SLC37A1: variants seen among roughly 807,000 people sequenced by gnomAD.
SLC37A1 encodes the protein solute carrier family 37 member 1.
A neutral mutation model predicts 75.3 loss-of-function variants in SLC37A1; 49 were observed. That is an observed-to-expected ratio of 0.65 (90% CI 0.52 to 0.83). The LOEUF (loss-of-function observed/expected upper bound fraction) is 0.83, where lower values mean the gene tolerates loss of function less well. SLC37A1 is among the 40% of genes least tolerant of loss of function. SLC37A1 has a pLI of 0.00. For synonymous variants in SLC37A1, 268 were observed against 292.1 expected (o/e 0.92, Z 0.84); for missense variants, 566 against 695.0 (o/e 0.81, Z 2.09).
chr21:42,532,807 C>T (rs1426490532), intron 3 of SLC37A1, among the ~76,000 whole-genome samples: 4 of 152,164 alleles, frequency 2.6e-5, no homozygotes, highest in Admixed American at 6.5e-5. Context: ...GTCAGCATGG[C>T]GCCTCCAGGG....
intron 11 of SLC37A1, among the ~76,000 whole-genome samples, chr21:42,560,033 G>A (rs952451478): frequency 4.6e-5 from 7 of 152,164 alleles, no homozygotes; most frequent in Admixed American, 6.5e-5. Context: ...AAGCTGGACC[G>A]GGCTGGTCCT....
chr21:42,543,455 G>A lies in SLC37A1; in HGVS notation c.583G>A (p.Val195Ile). Residue 195 changes from valine (V) to isoleucine (I), a missense_variant, in exon 8 of 20, where the codon GTC (valine) becomes ATC (isoleucine). Coordinates refer to ENST00000352133, the MANE Select transcript of SLC37A1 (RefSeq NM_001320537.2). ...GKGRRGLIMG[V>I]WNSHTSVGNI... ...CTGCAGGAGAGGTTTGATTATGGGG[G>A]TCTGGAACTCCCACACCTCCGTGGG... The A allele has an allele frequency of 6.2e-7, 1 of 1,614,122 alleles. No individual in the cohort carries two copies. Among genetic ancestry groups the A allele is most frequent in the Non-Finnish European group, 8.5e-7 (1 of 1,180,006 alleles).
intron 2 of SLC37A1, 98 bp downstream of exon 2, chr21:42,518,608 T>A: frequency 1.5e-6 from 2 of 1,372,924 alleles, no homozygotes; most frequent in East Asian, 2.4e-5. Flanking sequence ...ATAAAACACA[T>A]AAAACTTGAA....
intron 2 of SLC37A1, among the ~76,000 whole-genome samples, chr21:42,518,981 A>G (rs1179095318): frequency 1.3e-5 from 2 of 152,218 alleles, no homozygotes; most frequent in African/African-American, 4.8e-5. Context: ...ATATTCTGAG[A>G]ATCCTTCTCT....
rs981592915 is a variant in SLC37A1, at chr21:42,552,988, T to C, written c.769-1074T>C. Among the ~76,000 whole-genome samples, 3 of 152,240 alleles carry C rather than the reference T, an allele frequency of 2.0e-5. No homozygotes were observed. Among genetic ancestry groups the C allele is most frequent in the African/African-American group, 7.2e-5 (3 of 41,458 alleles). ...AAACAAATGTATTTTTAAAGGTGTT[T>C]TGTTACATTTTCAAGTAATAAGATC... is the stretch of plus-strand genomic sequence containing the variant. On this transcript the variant is annotated intron_variant, in intron 9 of 19. Transcript: ENST00000352133. This position sits in a 1 kb window ranked among gnomAD's most constrained non-coding sequence, Gnocchi z 4.2.
intron 2 of SLC37A1, 45 bp from the exon 3 acceptor site, chr21:42,525,731 C>T: frequency 7.2e-7 from 1 of 1,387,058 alleles, no homozygotes; most frequent in Non-Finnish European, 1.0e-6. Context: ...CCTAACATAA[C>T]TTCTGTTATT....
At chr21:42,516,191 A>C (rs2054518646) in intron 1 of SLC37A1, among the ~76,000 whole-genome samples, 1 of 152,250 alleles carries the variant, frequency 6.6e-6, no homozygotes, top group Non-Finnish European at 1.5e-5. Flanking sequence ...GTACTTGGGC[A>C]GTGTGCCAAA....
At chr21:42,528,985 C>T (rs978719439) in intron 3 of SLC37A1, among the ~76,000 whole-genome samples, 1 of 151,956 alleles carries the variant, frequency 6.6e-6, no homozygotes, top group African/African-American at 2.4e-5. Flanking sequence ...AAAATCTTAG[C>T]AGGGTTTTTT....
At chr21:42,524,826 C>T (rs562094293) in intron 2 of SLC37A1, among the ~76,000 whole-genome samples, 5 of 152,330 alleles carry the variant, frequency 3.3e-5, no homozygotes, top group East Asian at 1.9e-4. Context: ...GCTCCTACAA[C>T]CTTTAGTGCT....
At chr21:42,512,717 C>T (rs2054449496), upstream of SLC37A1, among the ~76,000 whole-genome samples, 1 of 152,180 alleles carries the variant, frequency 6.6e-6, no homozygotes, top group African/African-American at 2.4e-5. Flanking sequence ...CTGAACCCTG[C>T]GTGGCAAAGA....
chr21:42,568,393 G>A lies in SLC37A1; in HGVS notation c.1378G>A (p.Ala460Thr), dbSNP rs562283376. Residue 460 changes from alanine (A) to threonine (T), a missense_variant, in exon 17 of 20, where the codon GCC (alanine) becomes ACC (threonine). By Grantham distance (58) the Ala-to-Thr change is moderately conservative (BLOSUM62 0). Transcript: ENST00000352133. ...TAAAAGTCTGAAAGGCAACGCGCAC[G>A]CCCTCTCCACCGTGACGGCCATCAT... ...THKSLKGNAHALSTVTAIIDG... is the reference protein window; with the variant it reads ...THKSLKGNAHTLSTVTAIIDG... The A allele has an allele frequency of 1.3e-5, 21 of 1,614,088 alleles. No individual in the cohort carries two copies. Among genetic ancestry groups the A allele is most frequent in the East Asian group, 2.2e-5 (1 of 44,886 alleles).
chr21:42,560,991 C>T (rs1016194318), intron 11 of SLC37A1, among the ~76,000 whole-genome samples: 12 of 152,190 alleles, frequency 7.9e-5, no homozygotes, highest in African/African-American at 1.9e-4. Context: ...ATCTGTCACA[C>T]GGGTTCCATC....
chr21:42,542,847 G>A (rs749377329), intron 7 of SLC37A1, among the ~76,000 whole-genome samples: 1 of 152,264 alleles, frequency 6.6e-6, no homozygotes, highest in Non-Finnish European at 1.5e-5. Flanking sequence ...CCAGCGCACA[G>A]CACCAAAGTA....
chr21:42,573,337 C>G (rs1377249164), intron 17 of SLC37A1, among the ~76,000 whole-genome samples: 3 of 88,140 alleles, frequency 3.4e-5, no homozygotes, highest in Non-Finnish European at 2.3e-5. Context: ...TCCTTCCTTG[C>G]CTTCCCCTCC....
In SLC37A1 at chr21:42,581,265, A is replaced by G. The variant is rs1171349754; in HGVS notation, c.*905A>G. On this transcript the variant is annotated 3_prime_UTR_variant, in exon 20 of 20. Transcript: ENST00000352133. ...TTAATACATAGCAACAGACTGGGTT[A>G]TTTATTTAAGATGTGTATTGTGTCA... is the stretch of plus-strand genomic sequence containing the variant. The G allele has an allele frequency of 6.7e-5, 10 of 148,940 alleles. No individual in the cohort carries two copies. The highest frequency in any genetic ancestry group is 2.6e-4 in the African/African-American group (10 of 37,966). The allele number at this position is 148,940 out of a possible 1,614,324, so 9.2% of individuals were successfully genotyped here.
At chr21:42,564,582 C>T (rs1056042517) in intron 13 of SLC37A1, 126 bp from the exon 14 acceptor site, 9 of 721,734 alleles carry the variant, frequency 1.2e-5, no homozygotes, top group African/African-American at 3.5e-5. Flanking sequence ...GCTGCCTGCC[C>T]GTGATGCATG....
intron 14 of SLC37A1, 94 bp from the exon 15 acceptor site, chr21:42,565,733 A>T: frequency 8.4e-7 from 1 of 1,191,980 alleles, no homozygotes; most frequent in Non-Finnish European, 1.2e-6. Flanking sequence ...GCTGCCTGAG[A>T]ATCACCCGCC....
rs2054775794 is a variant in SLC37A1 at position 42,525,853 on chromosome 21, T to C, written c.134T>C (p.Val45Ala). The C allele has an allele frequency of 1.2e-6, 2 of 1,612,896 alleles. No individual in the cohort carries two copies. The highest frequency in any genetic ancestry group is 1.7e-6 in the Non-Finnish European group (2 of 1,178,896). ...TTATCTCGAAAGCCTATCAGCATAG[T>C]TAAGGTAAGAATCATGGAAAGCACT... Reference protein sequence around the residue: ...FHLSRKPISIVKGELHKYCTA... With the variant: ...FHLSRKPISIAKGELHKYCTA... Residue 45 changes from valine to alanine, a missense_variant, in exon 3 of 20, where the codon GTT becomes GCT. Transcript: ENST00000352133.
chr21:42,527,757 A>G (rs1438304482), intron 3 of SLC37A1, among the ~76,000 whole-genome samples: 1 of 152,182 alleles, frequency 6.6e-6, no homozygotes, highest in Non-Finnish European at 1.5e-5. Context: ...CATCACCCTC[A>G]GAGCCTCCTA....
Sources: allele counts gnomAD v4.1 joint callset (sites outside exome capture counted in the v4.1 genomes callset), GRCh38; gene constraint gnomAD v4.1.1; non-coding constraint Gnocchi (gnomAD v3.1); transcripts MANE v1.5; gene names NCBI Gene and HGNC (gene_info 2026-07-23, HGNC 2026-07-21).